TYR: variants seen among roughly 807,000 people sequenced by gnomAD.
TYR encodes tyrosinase, also known as LB24-AB.
Under a neutral mutation model 51.5 loss-of-function variants are expected in TYR, and 58 were observed. The ratio of observed to expected loss-of-function variants is 1.13; its 90% CI spans 0.91 to 1.40. TYR has a LOEUF of 1.40. Among genes scored for constraint, TYR ranks in the 40% most tolerant of loss-of-function variants. The pLI is 0.00. For missense variants in TYR, 732 were observed against 647.4 expected (o/e 1.13, Z -1.42); for synonymous variants, 263 against 235.2 (o/e 1.12, Z -1.08).
chr11:89,292,891 T>C (rs765193956), intron 4 of TYR, among the ~76,000 whole-genome samples: 2 of 152,118 alleles, frequency 1.3e-5, no homozygotes, highest in Non-Finnish European at 2.9e-5. Flanking sequence ...TTTTAGTCAG[T>C]ATAGCACAGG....
intron 3 of TYR, among the ~76,000 whole-genome samples, chr11:89,266,146 A>G (rs557025118): frequency 6.6e-6 from 1 of 152,060 alleles, no homozygotes; most frequent in East Asian, 1.9e-4. Context: ...AATGTTTTAC[A>G]TTATCTTCTT....
intron 3 of TYR, among the ~76,000 whole-genome samples, chr11:89,237,144 T>C (rs1944126633): frequency 6.6e-6 from 1 of 152,188 alleles, no homozygotes; most frequent in Non-Finnish European, 1.5e-5. Context: ...ACATCAATTA[T>C]CTTTTTATTT....
At chr11:89,220,712 C>G (rs931179880) in intron 2 of TYR, among the ~76,000 whole-genome samples, 1 of 152,092 alleles carries the variant, frequency 6.6e-6, no homozygotes, top group African/African-American at 2.4e-5. Context: ...GGAGATCACA[C>G]CACTGCACTC....
chr11:89,248,955 G>A (rs568697951), intron 3 of TYR, among the ~76,000 whole-genome samples: 1 of 152,142 alleles, frequency 6.6e-6, no homozygotes, highest in Non-Finnish European at 1.5e-5. Flanking sequence ...AGAAAAAAGA[G>A]TAATCAAAGA....
chr11:89,254,628 C>T (rs1161402649), intron 3 of TYR, among the ~76,000 whole-genome samples: 1 of 151,682 alleles, frequency 6.6e-6, no homozygotes, highest in African/African-American at 2.4e-5. Flanking sequence ...CTCATAGTAG[C>T]CTTGAATGAT....
intron 2 of TYR, among the ~76,000 whole-genome samples, chr11:89,210,564 C>A (rs1943740565): frequency 6.6e-6 from 1 of 152,276 alleles, no homozygotes; most frequent in Non-Finnish European, 1.5e-5. Flanking sequence ...TCCAGGAGAA[C>A]TTCCCCAACC....
At chr11:89,207,860 A>G (rs1433655090) in intron 2 of TYR, among the ~76,000 whole-genome samples, 1 of 152,226 alleles carries the variant, frequency 6.6e-6, no homozygotes, top group South Asian at 2.1e-4. Context: ...ATATTCTACT[A>G]TATTACATAA....
intron 3 of TYR, among the ~76,000 whole-genome samples, chr11:89,256,882 G>A (rs1272827745): frequency 6.6e-6 from 1 of 151,878 alleles, no homozygotes; most frequent in Non-Finnish European, 1.5e-5. Flanking sequence ...AACTGGTACT[G>A]ATAGCTCATG....
intron 3 of TYR, among the ~76,000 whole-genome samples, chr11:89,232,224 C>A (rs988445764): frequency 2.1e-5 from 3 of 142,780 alleles, no homozygotes; most frequent in Non-Finnish European, 3.0e-5. Flanking sequence ...CAGGCCACTA[C>A]AATAAAGTGA....
chr11:89,219,762 T>A (rs944159052), intron 2 of TYR, among the ~76,000 whole-genome samples: 3 of 152,160 alleles, frequency 2.0e-5, no homozygotes, highest in African/African-American at 4.8e-5. Flanking sequence ...CCTTCTCTGA[T>A]CCAGTTGACT....
chr11:89,286,745 G>A (rs960502628), intron 4 of TYR, among the ~76,000 whole-genome samples: 1 of 151,790 alleles, frequency 6.6e-6, no homozygotes, highest in African/African-American at 2.4e-5. Context: ...TCAGTTTTTG[G>A]AAAATCTTAA....
intron 4 of TYR, chr11:89,293,692 T>G (rs1387780729): frequency 3.1e-5 from 5 of 160,586 alleles, no homozygotes; most frequent in African/African-American, 9.6e-5. Flanking sequence ...TTTTCCACAC[T>G]AGTTAATTAA....
chr11:89,184,513 G>C (rs1282628418), intron 1 of TYR, among the ~76,000 whole-genome samples: 2 of 152,078 alleles, frequency 1.3e-5, no homozygotes. Flanking sequence ...AAGGAAACTT[G>C]TGTTTCAGTG....
intron 2 of TYR, among the ~76,000 whole-genome samples, chr11:89,208,668 G>C (rs35905469): frequency 0.035 from 5,313 of 152,230 alleles, 137 homozygotes; most frequent in Middle Eastern, 0.068. Context: ...CATTTACAGA[G>C]AATCTCCTTA....
chr11:89,259,849 T>A (rs185805816), intron 3 of TYR, among the ~76,000 whole-genome samples: 2 of 152,272 alleles, frequency 1.3e-5, no homozygotes, highest in East Asian at 3.9e-4. Flanking sequence ...TTATACTGAA[T>A]CTATCTTAAT....
chr11:89,262,847 C>CAAAAAAAAAAAAAAAAAAAAAAAAACAA (rs1944475741), intron 3 of TYR, among the ~76,000 whole-genome samples: 1 of 19,302 alleles, frequency 5.2e-5, no homozygotes, highest in Non-Finnish European at 8.2e-5. Context: ...GCTACTCATC[C>CAAAAAAAAAAAAAAAAAAAAAAAAACAA]AAAAAAAAAA....
chr11:89,197,699 T>G (rs1488117316), intron 2 of TYR, among the ~76,000 whole-genome samples: 2 of 151,860 alleles, frequency 1.3e-5, no homozygotes, highest in Non-Finnish European at 2.9e-5. Context: ...AGGATGAAGA[T>G]GAGTTGGTTA....
At chr11:89,284,572 T>C (rs1009630719) in intron 3 of TYR, among the ~76,000 whole-genome samples, 1 of 151,912 alleles carries the variant, frequency 6.6e-6, no homozygotes, top group Non-Finnish European at 1.5e-5. Flanking sequence ...CTAGCCTCAA[T>C]ATTTATTTTA....
intron 3 of TYR, among the ~76,000 whole-genome samples, chr11:89,265,568 TG>T (rs1944516016): frequency 6.6e-6 from 1 of 152,082 alleles, no homozygotes; most frequent in African/African-American, 2.4e-5. Context: ...CAAGTCCATT[TG>T]GTTTATATTC....
Sources: gnomAD v4.1 joint callset for allele counts (sites outside exome capture counted in the v4.1 genomes callset) on GRCh38, gnomAD v4.1.1 for gene constraint, MANE v1.5 for transcripts, NCBI Gene and HGNC (gene_info 2026-07-23, HGNC 2026-07-21) for gene names.